ZSWIM5: variants seen among roughly 807,000 people sequenced by gnomAD.
ZSWIM5 encodes the protein zinc finger SWIM-type containing 5, also known as zinc finger SWIM domain-containing protein 5.
Under a neutral mutation model 119.6 loss-of-function variants are expected in ZSWIM5, and 55 were observed. The ratio of observed to expected loss-of-function variants is 0.46; its 90% CI spans 0.37 to 0.58. The LOEUF (loss-of-function observed/expected upper bound fraction) is 0.58, where lower values mean the gene tolerates loss of function less well. Ranked by LOEUF, ZSWIM5 falls within the 20% of genes least tolerant of loss-of-function variation. The probability of loss-of-function intolerance (pLI) is 0.00; values close to 1 mark genes in which losing one functional copy is unlikely to be tolerated. For synonymous variants in ZSWIM5, 537 were observed against 606.9 expected, an observed-to-expected ratio of 0.88 and a Z score of 1.69; for missense variants, 1,193 against 1,512.8, an observed-to-expected ratio of 0.79 and a Z score of 3.51.
intron 1 of ZSWIM5, among the ~76,000 whole-genome samples, chr1:45,181,450 G>T (rs539271639): frequency 1.3e-5 from 2 of 152,102 alleles, no homozygotes; most frequent in Non-Finnish European, 2.9e-5. Context: ...GACCAAATCT[G>T]CATCTGATTG....
chr1:45,145,085 G>C (rs1645752179), intron 1 of ZSWIM5, among the ~76,000 whole-genome samples: 1 of 152,034 alleles, frequency 6.6e-6, no homozygotes, highest in African/African-American at 2.4e-5. Context: ...TTAGCTCTTA[G>C]AAAAACGCAA....
intron 1 of ZSWIM5, among the ~76,000 whole-genome samples, chr1:45,192,887 A>G (rs1340871756): frequency 1.3e-5 from 2 of 152,076 alleles, no homozygotes; most frequent in Non-Finnish European, 2.9e-5. Context: ...TTTGATTTTC[A>G]TTACTCTAAT....
chr1:45,084,118 C>T (rs568112844), intron 2 of ZSWIM5, among the ~76,000 whole-genome samples: 1 of 152,078 alleles, frequency 6.6e-6, no homozygotes, highest in Non-Finnish European at 1.5e-5. Context: ...CCATGTTTCC[C>T]GGGCTGGTCT....
intron 1 of ZSWIM5, among the ~76,000 whole-genome samples, chr1:45,149,581 A>G (rs1308123834): frequency 6.6e-6 from 1 of 152,226 alleles, no homozygotes; most frequent in Non-Finnish European, 1.5e-5. Context: ...ACATTAAGGT[A>G]ACCAAATCAA....
intron 1 of ZSWIM5, among the ~76,000 whole-genome samples, chr1:45,113,661 G>C (rs1388579779): frequency 2.0e-5 from 3 of 152,208 alleles, no homozygotes; most frequent in Non-Finnish European, 4.4e-5. Flanking sequence ...AAGATAAAAT[G>C]ATGGTAAGAA....
chr1:45,134,977 C>G (rs971138642), intron 1 of ZSWIM5, among the ~76,000 whole-genome samples: 1 of 152,130 alleles, frequency 6.6e-6, no homozygotes, highest in Non-Finnish European at 1.5e-5. Context: ...TCTATCTATT[C>G]ATTCATCAGT....
chr1:45,162,580 C>T (rs1475678160), intron 1 of ZSWIM5, among the ~76,000 whole-genome samples: 3 of 152,214 alleles, frequency 2.0e-5, no homozygotes, highest in Non-Finnish European at 4.4e-5. Context: ...CCAAGGGAAG[C>T]GGAGACAGAT....
In ZSWIM5 at chr1:45,018,687, G is replaced by T; in HGVS notation, c.3325C>A (p.Arg1109Ser). 6.2e-7 allele frequency: 1 copy of T among 1,614,244 alleles called. No homozygotes were observed. Among genetic ancestry groups the T allele is most frequent in the Non-Finnish European group, 8.5e-7 (1 of 1,180,038 alleles). ...KLMSTDKAPL[R>S]QLLDATINAY... ...TTGATGGTGGCATCCAGCAACTGGC[G>T]CAATGGAGCTTTGTCAGTGGACATG... Residue 1109 changes from arginine to serine, a missense_variant, in exon 14 of 14, where the codon CGC (arginine) becomes AGC (serine). Transcript: ENST00000359600. This position sits in a 1 kb window ranked among gnomAD's most constrained non-coding sequence, Gnocchi z 6.7.
intron 2 of ZSWIM5, among the ~76,000 whole-genome samples, chr1:45,073,694 T>C (rs1416619255): frequency 6.6e-6 from 1 of 151,922 alleles, no homozygotes; most frequent in Non-Finnish European, 1.5e-5. Context: ...ATAATTTGAC[T>C]TCTTCCTTTC....
At chr1:45,090,782 CCACTG>C (rs1417445061) in intron 1 of ZSWIM5, among the ~76,000 whole-genome samples, 1 of 151,806 alleles carries the variant, frequency 6.6e-6, no homozygotes, top group Non-Finnish European at 1.5e-5. Context: ...TATGATGGTG[CCACTG>C]CACTCTAGCC....
At chr1:45,203,703 G>A (rs1481119450) in intron 1 of ZSWIM5, among the ~76,000 whole-genome samples, 1 of 152,032 alleles carries the variant, frequency 6.6e-6, no homozygotes, top group Non-Finnish European at 1.5e-5. Flanking sequence ...TTTAGGAGAT[G>A]GGGGATGAGT....
intron 1 of ZSWIM5, among the ~76,000 whole-genome samples, chr1:45,096,564 A>G (rs541598192): frequency 1.1e-4 from 16 of 152,208 alleles, no homozygotes; most frequent in East Asian, 7.8e-4. Flanking sequence ...GCACACACAC[A>G]CACACACACA....
Position 45,063,690 on chromosome 1 carries a change from G to T in ZSWIM5, c.953-3443C>A, listed in dbSNP as rs147303731. ...TTACTTCAGCTCCAGAGTCAGGGCC[G>T]CAATGAGAAACAGAAACCATAGGAA... On this transcript the variant is annotated intron_variant, in intron 2 of 13. Transcript: ENST00000359600. 4.6e-5 allele frequency among the ~76,000 whole-genome samples: 7 copies of T among 152,220 alleles called. No individual in the cohort carries two copies. In the East Asian group the frequency reaches 7.7e-4, roughly 17 times the overall value.
intron 4 of ZSWIM5, among the ~76,000 whole-genome samples, chr1:45,053,159 ATAC>A (rs900010620): frequency 2.0e-5 from 3 of 151,748 alleles, no homozygotes; most frequent in Non-Finnish European, 4.4e-5. Context: ...AAAGGAACTG[ATAC>A]TTACAACAGT....
chr1:45,131,951 G>C (rs1387250224), intron 1 of ZSWIM5, among the ~76,000 whole-genome samples: 2 of 151,104 alleles, frequency 1.3e-5, no homozygotes, highest in Non-Finnish European at 2.9e-5. Context: ...TTATATGCTG[G>C]GGCAGGGCAG....
At chr1:45,040,176 T>C (rs186162722) in intron 7 of ZSWIM5, among the ~76,000 whole-genome samples, 7 of 152,324 alleles carry the variant, frequency 4.6e-5, no homozygotes, top group African/African-American at 1.4e-4. Flanking sequence ...TCATACCAGA[T>C]CTTAATGAGC....
intron 1 of ZSWIM5, among the ~76,000 whole-genome samples, chr1:45,192,375 T>C (rs1646097996): frequency 6.6e-6 from 1 of 152,218 alleles, no homozygotes; most frequent in Non-Finnish European, 1.5e-5. Context: ...TGGAATCATA[T>C]AATGTTTGTC....
rs773349839 is a variant in ZSWIM5 at position 45,205,746 on chromosome 1, G to T, written c.595+10C>A. 2 of 1,557,914 alleles carry T rather than the reference G, an allele frequency of 1.3e-6. No homozygotes were observed. Among genetic ancestry groups the T allele is most frequent in the South Asian group, 1.2e-5 (1 of 86,684 alleles). Reference sequence around the variant, plus strand: ...GCTGAGGACCCGAGAACGCCTGGACGAGCACATACCGACTTGCAGCACGTT... The same window carrying T: ...GCTGAGGACCCGAGAACGCCTGGACTAGCACATACCGACTTGCAGCACGTT... On this transcript the variant is annotated intron_variant, in intron 1 of 13. Transcript: ENST00000359600.
intron 1 of ZSWIM5, among the ~76,000 whole-genome samples, chr1:45,183,729 A>T (rs1411477466): frequency 1.3e-5 from 2 of 152,184 alleles, no homozygotes; most frequent in East Asian, 3.8e-4. Flanking sequence ...TAGACCAATA[A>T]CAGGAGCTGA....
Sources: gnomAD v4.1 joint callset for allele counts (sites outside exome capture counted in the v4.1 genomes callset) on GRCh38, gnomAD v4.1.1 for gene constraint, Gnocchi (gnomAD v3.1) non-coding constraint, MANE v1.5 for transcripts, NCBI Gene and HGNC (gene_info 2026-07-23, HGNC 2026-07-21) for gene names.